The following SEL1L2 variants were observed in gnomAD, a reference collection of about 807,000 sequenced individuals.
SEL1L2 encodes protein sel-1 homolog 2.
A neutral mutation model predicts 98.8 loss-of-function variants in SEL1L2; 89 were observed. The ratio of observed to expected loss-of-function variants is 0.90; its 90% CI spans 0.76 to 1.07. The LOEUF (loss-of-function observed/expected upper bound fraction) is 1.07. Ranked by LOEUF, SEL1L2 falls within the 50% of genes least tolerant of loss-of-function variation. The pLI is 0.00. For missense variants in SEL1L2, 788 were observed against 812.0 expected (o/e 0.97, Z 0.36); for synonymous variants, 262 against 278.5 (o/e 0.94, Z 0.59).
At chr20:13,856,468 C>T (rs13038424) in intron 18 of SEL1L2, among the ~76,000 whole-genome samples, 8,172 of 152,164 alleles carry the variant, frequency 0.054, 296 homozygotes, top group Non-Finnish European at 0.083. Flanking sequence ...TGTGTGAATG[C>T]TTGTGTTTCT....
At chr20:13,935,923 T>C (rs1478803132) in intron 2 of SEL1L2, among the ~76,000 whole-genome samples, 5 of 152,190 alleles carry the variant, frequency 3.3e-5, no homozygotes, top group Non-Finnish European at 7.3e-5. Context: ...GGTTTGTTTC[T>C]GGAGATATTC....
chr20:13,882,370 C>A (rs1000709406), intron 10 of SEL1L2, among the ~76,000 whole-genome samples: 1 of 152,224 alleles, frequency 6.6e-6, no homozygotes, highest in African/African-American at 2.4e-5. Flanking sequence ...CATTTCCCTA[C>A]CCCTCCAAGT....
chr20:13,868,845 G>A (rs974338341), intron 14 of SEL1L2, among the ~76,000 whole-genome samples: 4 of 151,928 alleles, frequency 2.6e-5, no homozygotes, highest in African/African-American at 4.8e-5. Flanking sequence ...TGATCCGCCC[G>A]CCTCGGCCTC....
intron 4 of SEL1L2, among the ~76,000 whole-genome samples, chr20:13,917,786 CTTTTTT>C (rs5840588): frequency 1.0e-4 from 5 of 50,102 alleles, no homozygotes; most frequent in African/African-American, 2.7e-4. Context: ...TTCTTTCTTT[CTTTTTT>C]TTTTTTTTTT....
At chr20:13,941,789 C>A (rs2049790124) in intron 2 of SEL1L2, among the ~76,000 whole-genome samples, 1 of 152,056 alleles carries the variant, frequency 6.6e-6, no homozygotes, top group South Asian at 2.1e-4. Flanking sequence ...AAGAGCGAGT[C>A]ATATTTGATA....
chr20:13,901,077 T>C (rs561464490), intron 5 of SEL1L2, among the ~76,000 whole-genome samples: 1 of 147,078 alleles, frequency 6.8e-6, no homozygotes, highest in South Asian at 2.2e-4. Context: ...CTTTCTTTCT[T>C]TTTTTTTTTT....
At chr20:13,930,160 A>G (rs528688818) in intron 3 of SEL1L2, among the ~76,000 whole-genome samples, 63 of 152,290 alleles carry the variant, frequency 4.1e-4, no homozygotes, top group Non-Finnish European at 7.3e-4. Context: ...TAAGGACCAC[A>G]CCACATCAAT....
chr20:13,965,218 T>C (rs926452013), intron 1 of SEL1L2, among the ~76,000 whole-genome samples: 3 of 152,116 alleles, frequency 2.0e-5, no homozygotes, highest in African/African-American at 7.2e-5. Context: ...AAAACACAGG[T>C]AACAGGAGAA....
At chr20:13,894,616 C>A (rs1055792637) in intron 5 of SEL1L2, among the ~76,000 whole-genome samples, 1 of 151,986 alleles carries the variant, frequency 6.6e-6, no homozygotes, top group Non-Finnish European at 1.5e-5. Context: ...TTAGCTAGAT[C>A]AACAAGACAA....
At chr20:13,862,379 A>G (rs1990272569) in intron 17 of SEL1L2, among the ~76,000 whole-genome samples, 1 of 152,186 alleles carries the variant, frequency 6.6e-6, no homozygotes, top group Admixed American at 6.5e-5. Context: ...AGGAACACTC[A>G]TCTAGGACAT....
At chr20:13,873,999 C>T (rs1008767769) in intron 12 of SEL1L2, among the ~76,000 whole-genome samples, 1 of 152,094 alleles carries the variant, frequency 6.6e-6, no homozygotes, top group African/African-American at 2.4e-5. Context: ...TGTGAGCCAG[C>T]AAGGGCAGGG....
intron 2 of SEL1L2, among the ~76,000 whole-genome samples, chr20:13,950,953 C>T (rs1442103711): frequency 1.3e-5 from 2 of 152,004 alleles, no homozygotes; most frequent in African/African-American, 2.4e-5. Flanking sequence ...TGGAGAAGTA[C>T]GACCCTGAAG....
chr20:13,980,630 T>G (rs182328648), intron 1 of SEL1L2, among the ~76,000 whole-genome samples: 82 of 152,308 alleles, frequency 5.4e-4, no homozygotes, highest in Non-Finnish European at 8.1e-4. Context: ...CAATCCCCCC[T>G]CTAGGTATAT....
intron 5 of SEL1L2, among the ~76,000 whole-genome samples, chr20:13,893,935 G>T (rs527786293): frequency 9.9e-5 from 15 of 152,020 alleles, no homozygotes; most frequent in Non-Finnish European, 2.1e-4. Flanking sequence ...CAACAAATGA[G>T]TCAAAGAAGA....
At chr20:13,923,866 C>T (rs1568977560) in intron 3 of SEL1L2, among the ~76,000 whole-genome samples, 1 of 152,048 alleles carries the variant, frequency 6.6e-6, no homozygotes, top group Non-Finnish European at 1.5e-5. Flanking sequence ...TTTTGATTTT[C>T]AGTAATTTTT....
At chr20:13,866,966 C>T (rs1600512354) in intron 14 of SEL1L2, 116 bp from the exon 15 acceptor site, 4 of 1,036,394 alleles carry the variant, frequency 3.9e-6, no homozygotes, top group Non-Finnish European at 5.2e-6. Flanking sequence ...GAAAAGCCAA[C>T]CAAAAGTCAA....
intron 5 of SEL1L2, among the ~76,000 whole-genome samples, chr20:13,907,700 C>CTT (rs1328913961): frequency 2.2e-4 from 28 of 125,654 alleles, no homozygotes; most frequent in East Asian, 2.1e-3. Flanking sequence ...TTCTTTCTTT[C>CTT]TCTTTCTTTC....
chr20:13,885,160 G>T (rs1437432051), intron 10 of SEL1L2, among the ~76,000 whole-genome samples, 187 bp downstream of exon 10: 1 of 152,078 alleles, frequency 6.6e-6, no homozygotes, highest in African/African-American at 2.4e-5. Context: ...AAGGCAGGTG[G>T]GTAAGTGCTC....
intron 12 of SEL1L2, among the ~76,000 whole-genome samples, chr20:13,873,135 C>G (rs969120162): frequency 6.6e-6 from 1 of 151,400 alleles, no homozygotes; most frequent in African/African-American, 2.4e-5. Flanking sequence ...GGATTACAGG[C>G]ATGCACCCCC....
Sources: gnomAD v4.1 joint callset for allele counts (sites outside exome capture counted in the v4.1 genomes callset) on GRCh38, gnomAD v4.1.1 for gene constraint, MANE v1.5 for transcripts, NCBI Gene and HGNC (gene_info 2026-07-23, HGNC 2026-07-21) for gene names.